CNTNAP5: variants seen among roughly 807,000 people sequenced by gnomAD.
CNTNAP5 encodes contactin-associated protein-like 5.
A neutral mutation model predicts 150.2 loss-of-function variants in CNTNAP5; 72 were observed. That is an observed-to-expected ratio of 0.48 (90% CI 0.40 to 0.58). CNTNAP5 has a LOEUF of 0.58. CNTNAP5 is among the 20% of genes least tolerant of loss of function. The pLI is 0.00. For synonymous variants in CNTNAP5, 672 were observed against 619.8 expected, an observed-to-expected ratio of 1.08 and a Z score of -1.25; for missense variants, 1,636 against 1,626.2, an observed-to-expected ratio of 1.01 and a Z score of -0.10.
At chr2:124,570,150 A>AG (rs1696118867) in intron 11 of CNTNAP5, among the ~76,000 whole-genome samples, 1 of 152,244 alleles carries the variant, frequency 6.6e-6, no homozygotes, top group Admixed American at 6.5e-5. Context: ...TCCCTGACAC[A>AG]TAGTAGATAT....
intron 12 of CNTNAP5, among the ~76,000 whole-genome samples, chr2:124,610,770 C>G (rs1199979880): frequency 6.6e-6 from 1 of 152,090 alleles, no homozygotes; most frequent in East Asian, 1.9e-4. Context: ...ACCATCCTGG[C>G]CAACACGGTG....
intron 21 of CNTNAP5, among the ~76,000 whole-genome samples, chr2:124,876,885 G>A (rs928916744): frequency 3.3e-5 from 5 of 152,042 alleles, no homozygotes; most frequent in South Asian, 2.1e-4. Flanking sequence ...TTGACCTTCC[G>A]CATCATGAAA....
chr2:124,134,987 C>T (rs1430985484), intron 1 of CNTNAP5: 2 of 152,102 alleles, frequency 1.3e-5, no homozygotes, highest in African/African-American at 4.8e-5. Flanking sequence ...GGGAGAATTA[C>T]ATTGAAATGA....
At position 124,911,457 on chromosome 2, in the gene CNTNAP5, C is replaced by G. The variant is rs1187981229; in HGVS notation, c.3656-10C>G. The stretch of plus-strand genomic sequence containing the variant: ...GAGAAGTAAAGTCCCATGTCTTTTA[C>G]TCCTTTCAGATCCTTTTGGGAAGAC... On this transcript the variant is annotated splice_polypyrimidine_tract_variant and intron_variant, in intron 22 of 23. Transcript: ENST00000682447. 1 of 1,583,962 alleles carries G rather than the reference C, an allele frequency of 6.3e-7. No homozygotes were observed. Among genetic ancestry groups the G allele is most frequent in the South Asian group, 1.1e-5 (1 of 86,968 alleles).
intron 1 of CNTNAP5, among the ~76,000 whole-genome samples, chr2:124,059,663 T>C (rs1185635306): frequency 2.0e-5 from 3 of 152,154 alleles, no homozygotes; most frequent in Non-Finnish European, 2.9e-5. Flanking sequence ...TTGTTTTTCA[T>C]AGGGCTGTTA....
intron 3 of CNTNAP5, among the ~76,000 whole-genome samples, chr2:124,308,377 A>G (rs1394838902): frequency 1.3e-5 from 2 of 152,110 alleles, no homozygotes; most frequent in Non-Finnish European, 2.9e-5. Context: ...TAGCAGACTA[A>G]ATTTATTCAA....
chr2:124,448,133 T>A (rs1448268653), intron 6 of CNTNAP5, among the ~76,000 whole-genome samples: 1 of 152,060 alleles, frequency 6.6e-6, no homozygotes, highest in Admixed American at 6.5e-5. Flanking sequence ...CCGGGCATGG[T>A]GGCTCGCGCC....
intron 13 of CNTNAP5, among the ~76,000 whole-genome samples, chr2:124,648,682 T>A (rs1181596094): frequency 6.6e-6 from 1 of 152,184 alleles, no homozygotes; most frequent in Non-Finnish European, 1.5e-5. Context: ...CTTCTAGAAC[T>A]GCTTACTAAG....
chr2:124,249,812 A>G (rs945907592), intron 3 of CNTNAP5, among the ~76,000 whole-genome samples: 2 of 152,194 alleles, frequency 1.3e-5, no homozygotes, highest in African/African-American at 4.8e-5. Flanking sequence ...GACAAGAGTT[A>G]ATATCTCAAC....
chr2:124,244,612 CTAAG>C (rs1469613190), intron 3 of CNTNAP5, among the ~76,000 whole-genome samples: 4 of 152,068 alleles, frequency 2.6e-5, no homozygotes, highest in Non-Finnish European at 4.4e-5. Context: ...CAGCCTTTTA[CTAAG>C]TAAGTACAGG....
intron 3 of CNTNAP5, among the ~76,000 whole-genome samples, chr2:124,254,152 A>G (rs1342987108): frequency 6.6e-6 from 1 of 152,230 alleles, no homozygotes; most frequent in African/African-American, 2.4e-5. Context: ...TGTCCCTGAC[A>G]TATAAAAAGT....
intron 5 of CNTNAP5, among the ~76,000 whole-genome samples, chr2:124,435,031 A>G (rs945509227): frequency 2.0e-5 from 3 of 152,204 alleles, no homozygotes; most frequent in East Asian, 1.9e-4. Context: ...TATTAGGTAC[A>G]TATAAGAAAG....
At chr2:124,236,127 T>C (rs1187285897) in intron 2 of CNTNAP5, among the ~76,000 whole-genome samples, 2 of 151,974 alleles carry the variant, frequency 1.3e-5, no homozygotes. Flanking sequence ...CACCATGCCC[T>C]GTTAATTTTT....
rs758289984 is a variant in CNTNAP5 at position 124,772,963 on chromosome 2, G to A, written c.2698G>A (p.Glu900Lys). 4 of 1,613,686 alleles carry A rather than the reference G, an allele frequency of 2.5e-6. No homozygotes were observed. In the South Asian group the frequency reaches 4.4e-5, roughly 18 times the overall value. Residue 900 changes from glutamate (E) to lysine (K), a missense_variant, in exon 17 of 24, where the codon GAG becomes AAG. Transcript: ENST00000682447. ...GGACAACCTTCCAAGGAGCACCAGG[G>A]AGACGTCGGAGGAGGGCCATTTTCG... Reference protein sequence around the residue: ...QVDNLPRSTRETSEEGHFRLQ... With the variant: ...QVDNLPRSTRKTSEEGHFRLQ...
chr2:124,373,601 A>T (rs1573951491), intron 3 of CNTNAP5, among the ~76,000 whole-genome samples: 1 of 152,118 alleles, frequency 6.6e-6, no homozygotes, highest in African/African-American at 2.4e-5. Flanking sequence ...AATTATAAAA[A>T]CACTATCTAG....
Position 124,200,269 on chromosome 2 carries a change from C to T in CNTNAP5, c.83-21436C>T, listed in dbSNP as rs148807192. The stretch of plus-strand genomic sequence containing the variant: ...AATAATATTAAATAGTTTTCTAATC[C>T]GAAGCCATGTTTTTTCATATTGAAT... On this transcript the variant is annotated intron_variant, in intron 1 of 23. Transcript: ENST00000682447. Among the ~76,000 whole-genome samples the T allele has an allele frequency of 3.8e-3, 579 of 152,094 alleles. 7 individuals are homozygous for T. The highest frequency in any genetic ancestry group is 0.031 in the East Asian group (162 of 5,176).
intron 1 of CNTNAP5, among the ~76,000 whole-genome samples, chr2:124,067,439 T>C (rs1206363265): frequency 6.6e-6 from 1 of 151,988 alleles, no homozygotes; most frequent in African/African-American, 2.4e-5. Context: ...TATGGCTACA[T>C]TGCCACCTCC....
chr2:124,555,119 G>T (rs1406966944), intron 10 of CNTNAP5, among the ~76,000 whole-genome samples: 2 of 152,048 alleles, frequency 1.3e-5, no homozygotes, highest in Non-Finnish European at 2.9e-5. Context: ...ACTTGGGAAT[G>T]CTATTTTTTT....
intron 10 of CNTNAP5, among the ~76,000 whole-genome samples, chr2:124,557,610 T>C (rs1695788422): frequency 6.6e-6 from 1 of 151,998 alleles, no homozygotes; most frequent in African/African-American, 2.4e-5. Flanking sequence ...TAACGTTCAT[T>C]TTCAGAGAAA....
Sources: gnomAD v4.1 joint callset for allele counts (sites outside exome capture counted in the v4.1 genomes callset) on GRCh38, gnomAD v4.1.1 for gene constraint, MANE v1.5 for transcripts, NCBI Gene and HGNC (gene_info 2026-07-23, HGNC 2026-07-21) for gene names.